The following LIPF variants were observed in gnomAD, a reference collection of about 807,000 sequenced individuals.
LIPF encodes the protein lipase F, gastric type, also known as gastric triacylglycerol lipase.
Under a neutral mutation model 38.0 loss-of-function variants are expected in LIPF, and 25 were observed. The ratio of observed to expected loss-of-function variants is 0.66; its 90% CI spans 0.48 to 0.92. The LOEUF (loss-of-function observed/expected upper bound fraction) is 0.92. Among genes scored for constraint, LIPF ranks in the 40% least tolerant of loss-of-function variants. The pLI is 0.00. For synonymous variants in LIPF, 161 were observed against 156.2 expected, an observed-to-expected ratio of 1.03 and a Z score of -0.23; for missense variants, 410 against 469.9, an observed-to-expected ratio of 0.87 and a Z score of 1.18.
chr10:88,675,219 A>G (rs756482652), intron 7 of LIPF, among the ~76,000 whole-genome samples: 3 of 152,126 alleles, frequency 2.0e-5, no homozygotes, highest in Non-Finnish European at 4.4e-5. Context: ...AACCTACAGC[A>G]CTCTAGCACT....
intron 1 of LIPF, among the ~76,000 whole-genome samples, chr10:88,665,010 A>G (rs1841490876): frequency 6.6e-6 from 1 of 152,230 alleles, no homozygotes; most frequent in African/African-American, 2.4e-5. Flanking sequence ...AGACCAAATT[A>G]TATAAATCTC....
rs1841547866 is a variant in LIPF, at chr10:88,668,544, A to G, written c.224-14A>G. 6.2e-7 allele frequency: 1 copy of G among 1,612,636 alleles called. No homozygotes were observed. The highest frequency in any genetic ancestry group is 8.5e-7 in the Non-Finnish European group (1 of 1,178,816). ...GAATACATTTATAAAGTTTATAAAC[A>G]TTTTCTTCCTTAGGCCAGAGACCTG... On this transcript the variant is annotated splice_polypyrimidine_tract_variant and intron_variant, in intron 3 of 9. Coordinates refer to ENST00000238983, the MANE Select transcript of LIPF (RefSeq NM_004190.4).
rs1287559348 is a variant in LIPF at position 88,671,930 on chromosome 10, A to G, written c.634A>G (p.Asn212Asp). The G allele has an allele frequency of 1.9e-6, 3 of 1,612,756 alleles. No individual in the cohort carries two copies. The highest frequency in any genetic ancestry group is 2.5e-6 in the Non-Finnish European group (3 of 1,179,376). Residue 212 changes from asparagine to aspartate, a missense_variant, in exon 6 of 10, where the codon AAC becomes GAC. Physicochemically the swap from Asn to Asp is conservative, Grantham distance 23 (BLOSUM62 1). Transcript: ENST00000238983. ...TGTGAAGTATACAAAAAGCCTTATA[A>G]ACAAACTTAGATTTGTTCCTCAATC... ...ATVKYTKSLI[N>D]KLRFVPQSLF...
At chr10:88,678,066 C>G (rs1471481946) in intron 9 of LIPF, among the ~76,000 whole-genome samples, 1 of 152,196 alleles carries the variant, frequency 6.6e-6, no homozygotes, top group Non-Finnish European at 1.5e-5. Context: ...TTTCCCTTAG[C>G]TTGAGTTGCA....
intron 4 of LIPF, chr10:88,669,288 C>T (rs1841559259): frequency 6.3e-6 from 1 of 158,224 alleles, no homozygotes; most frequent in Admixed American, 6.0e-5. Flanking sequence ...TTCAAGAGTT[C>T]TAGGAGCTGA....
At chr10:88,671,701 A>G in intron 5 of LIPF, 128 bp from the exon 6 acceptor site, 1 of 1,284,880 alleles carries the variant, frequency 7.8e-7, no homozygotes, top group Non-Finnish European at 1.1e-6. Flanking sequence ...CAGAGATGCC[A>G]ATTTCTCAGG....
intron 4 of LIPF, chr10:88,669,599 C>CCA: frequency 5.9e-6 from 2 of 336,272 alleles, no homozygotes; most frequent in Non-Finnish European, 1.1e-5. Flanking sequence ...TTCCCACCTA[C>CCA]AGATACTATC....
At chr10:88,672,599 C>T (rs1841616288) in intron 6 of LIPF, among the ~76,000 whole-genome samples, 1 of 150,488 alleles carries the variant, frequency 6.6e-6, no homozygotes, top group Admixed American at 6.7e-5. Flanking sequence ...ATGCTTAATA[C>T]CCTAATTCTC....
At chr10:88,669,321 TGTA>T (rs1347555306) in intron 4 of LIPF, 1 of 157,886 alleles carries the variant, frequency 6.3e-6, no homozygotes, top group Non-Finnish European at 1.4e-5. Flanking sequence ...GTGTCCCAGG[TGTA>T]GCGGGAAAAG....
intron 8 of LIPF, 40 bp downstream of exon 8, chr10:88,675,697 T>A (rs772531777): frequency 8.4e-6 from 12 of 1,431,376 alleles, no homozygotes; most frequent in Non-Finnish European, 1.2e-5. Flanking sequence ...ATTTTGTGAG[T>A]CTCAACCCTT....
rs1841527673 is a variant in LIPF, at chr10:88,667,360, T to C, written c.63T>C (p.Phe21=). Residue 21 remains phenylalanine (F), a synonymous_variant, in exon 2 of 10, where the codon TTT becomes TTC. Coordinates refer to ENST00000238983, the MANE Select transcript of LIPF (RefSeq NM_004190.4). ...TACTGGGGACTACACATGGTTTGTT[T>C]GGAAAATTACATCCTGGAAGCCCTG... ...ISVLGTTHGL[F]GKLHPGSPEV... is the part of the protein sequence containing the mutation. 6.2e-7 allele frequency: 1 copy of C among 1,613,014 alleles called. No homozygotes were observed. The highest frequency in any genetic ancestry group is 1.7e-5 in the Admixed American group (1 of 59,990).
chr10:88,668,588 G>T lies in LIPF; in HGVS notation c.254G>T (p.Gly85Val). 6.2e-7 allele frequency: 1 copy of T among 1,614,120 alleles called. No homozygotes were observed. Among genetic ancestry groups the T allele is most frequent in the Non-Finnish European group, 8.5e-7 (1 of 1,179,992 alleles). Residue 85 changes from glycine to valine, a missense_variant, in exon 4 of 10, where the codon GGT becomes GTT. Coordinates refer to ENST00000238983, the MANE Select transcript of LIPF (RefSeq NM_004190.4). The stretch of plus-strand genomic sequence containing the variant: ...AGACCTGTTGTGTTTTTGCAGCATG[G>T]TTTGCTTGCATCAGCCACAAACTGG... The part of the protein sequence containing the change: ...GQRPVVFLQH[G>V]LLASATNWIS...
chr10:88,665,984 G>A (rs1037331916), intron 1 of LIPF, among the ~76,000 whole-genome samples: 4 of 151,958 alleles, frequency 2.6e-5, no homozygotes, highest in Admixed American at 6.6e-5. Flanking sequence ...TGATCCGCCC[G>A]CCTCGGCCTC....
At chr10:88,666,943 A>G (rs1325847880) in intron 1 of LIPF, among the ~76,000 whole-genome samples, 4 of 152,126 alleles carry the variant, frequency 2.6e-5, no homozygotes, top group Non-Finnish European at 5.9e-5. Context: ...TCTTAAACAC[A>G]AAGCATAATA....
Position 88,667,679 on chromosome 10 carries a change from G to T in LIPF, c.216G>T (p.Gly72=), listed in dbSNP as rs759014688. Residue 72 remains glycine, a synonymous_variant, in exon 3 of 10, where the codon GGG becomes GGT. Transcript: ENST00000238983. ...NRIPYGKKNS[G]NTGQRPVVFL... is the part of the protein sequence containing the mutation. ...TTCCTTATGGGAAGAAAAATTCAGG[G>T]AATACAGGTATATATAAGCTTCTTT... is the stretch of plus-strand genomic sequence containing the variant. 2 of 1,354,618 alleles carry T rather than the reference G, an allele frequency of 1.5e-6. No homozygotes were observed. Among genetic ancestry groups the T allele is most frequent in the South Asian group, 2.4e-5 (2 of 84,272 alleles). 83.9% of individuals were successfully genotyped at this position (1,354,618 alleles called of 1,614,324 possible). A position where few individuals can be genotyped will look rare whatever the true frequency, so the allele number is the denominator to read the frequency against.
At chr10:88,676,052 T>C (rs1353435551) in intron 8 of LIPF, among the ~76,000 whole-genome samples, 157 bp from the exon 9 acceptor site, 2 of 152,192 alleles carry the variant, frequency 1.3e-5, no homozygotes, top group Non-Finnish European at 2.9e-5. Flanking sequence ...TAAACTTACA[T>C]AAATACCTTG....
intron 5 of LIPF, 46 bp downstream of exon 5, chr10:88,669,992 C>G (rs948226082): frequency 1.6e-6 from 2 of 1,256,826 alleles, no homozygotes; most frequent in Non-Finnish European, 2.3e-6. Context: ...CTCATAAACA[C>G]TTTCCCAGTG....
chr10:88,666,027 G>A (rs930604623), intron 1 of LIPF, among the ~76,000 whole-genome samples: 3 of 152,016 alleles, frequency 2.0e-5, no homozygotes, highest in Non-Finnish European at 2.9e-5. Flanking sequence ...ATGAGCTACC[G>A]CGCTCTGCCA....
At position 88,675,585 on chromosome 10, in the gene LIPF, G is replaced by T; in HGVS notation, c.817-1G>T. On this transcript the variant is annotated splice_acceptor_variant, in intron 7 of 9. Coordinates refer to ENST00000238983, the MANE Select transcript of LIPF (RefSeq NM_004190.4). LOFTEE classifies it high-confidence loss of function. ...TAATATGTGTGTCTGTTGATTTCTA[G>T]AGTCGCTTGGATGTGTATCTATCAC... The T allele has an allele frequency of 1.2e-6, 2 of 1,605,150 alleles. No individual in the cohort carries two copies. Among genetic ancestry groups the T allele is most frequent in the South Asian group, 1.1e-5 (1 of 90,858 alleles).
Sources: gnomAD v4.1 joint callset for allele counts (sites outside exome capture counted in the v4.1 genomes callset) on GRCh38, gnomAD v4.1.1 for gene constraint, MANE v1.5 for transcripts, NCBI Gene and HGNC (gene_info 2026-07-23, HGNC 2026-07-21) for gene names.